The following TBL3 variants were observed in gnomAD, a reference collection of about 807,000 sequenced individuals.
TBL3 encodes transducin beta like 3.
TBL3 carries 71 observed loss-of-function variants against 102.7 expected under a neutral mutation model. The observed-to-expected ratio is 0.69, with a 90% CI of 0.57 to 0.84. TBL3 has a LOEUF of 0.84. Among genes scored for constraint, TBL3 ranks in the 40% least tolerant of loss-of-function variants. The pLI is 0.00. For synonymous variants in TBL3, 578 were observed against 477.7 expected (o/e 1.21, Z -2.74); for missense variants, 1,188 against 1,098.5 (o/e 1.08, Z -1.15).
At position 1,975,936 on chromosome 16, in the gene TBL3, C is replaced by A; in HGVS notation, c.1116C>A (p.Leu372=). 6.2e-7 allele frequency: 1 copy of A among 1,614,172 alleles called. No individual in the cohort carries two copies. Among genetic ancestry groups the A allele is most frequent in the Non-Finnish European group, 8.5e-7 (1 of 1,180,030 alleles). The change falls in exon 11 of 22, where the codon CTC becomes CTA. Residue 372 remains leucine (L), a synonymous_variant. Coordinates refer to ENST00000568546, the MANE Select transcript of TBL3 (RefSeq NM_006453.3). ...FELQTSACQI[L]HGHTDIVLAL... is the part of the protein sequence containing the mutation. Reference sequence around the variant, plus strand: ...TGCAGACGTCAGCCTGCCAGATCCTCCACGGCCACACGGGTGAGTGGGGCC... The same window carrying A: ...TGCAGACGTCAGCCTGCCAGATCCTACACGGCCACACGGGTGAGTGGGGCC...
chr16:1,977,870 G>A (rs1324677780), intron 18 of TBL3, 70 bp downstream of exon 18: 36 of 1,593,222 alleles, frequency 2.3e-5, no homozygotes, highest in Non-Finnish European at 2.8e-5. Context: ...ACGAGGCTGA[G>A]TGCCAGGCTC....
Position 1,978,966 on chromosome 16 carries a change from T to A in TBL3, c.*281T>A. On this transcript the variant is annotated 3_prime_UTR_variant, in exon 22 of 22. Transcript: ENST00000568546. ...AGGAACAGCAAATGGCCCCCTCCCA[T>A]CCCTGCTGGCCAGGGAGATCCGCCC... The A allele has an allele frequency of 1.5e-6, 2 of 1,329,368 alleles. No individual in the cohort carries two copies. The highest frequency in any genetic ancestry group is 2.7e-5 in the South Asian group (2 of 74,238). 82.3% of individuals were successfully genotyped at this position (1,329,368 alleles called of 1,614,324 possible).
At chr16:1,975,762 T>C in intron 10 of TBL3, 46 bp from the exon 11 acceptor site, 1 of 1,613,794 alleles carries the variant, frequency 6.2e-7, no homozygotes, top group South Asian at 1.1e-5. Context: ...AGCCCTCCTC[T>C]TACACAGGTC....
Position 1,979,615 on chromosome 16 carries a change from TCTC to T in TBL3, c.*933_*935del. On this transcript the variant is annotated 3_prime_UTR_variant, in exon 22 of 22. Coordinates refer to ENST00000568546, the MANE Select transcript of TBL3 (RefSeq NM_006453.3). ...GGCCCGCCCGCACCCTTCTCCACAT[TCTC>T]CTTGCTTGAGTCTGCTGACGGCGGG... 7.1e-7 allele frequency: 1 copy of T among 1,401,216 alleles called. No homozygotes were observed. The highest frequency in any genetic ancestry group is 9.9e-7 in the Non-Finnish European group (1 of 1,008,864). The allele number at this position is 1,401,216 out of a possible 1,614,324, so 86.8% of individuals were successfully genotyped here.
intron 13 of TBL3, 132 bp from the exon 14 acceptor site, chr16:1,976,682 C>G: frequency 8.9e-7 from 1 of 1,119,160 alleles, no homozygotes; most frequent in Non-Finnish European, 1.3e-6. Flanking sequence ...CTGGGGGTGA[C>G]CCAGGCCAAC....
rs546617072 is a variant in TBL3 at position 1,974,798 on chromosome 16, G to A, written c.415G>A (p.Val139Met). Residue 139 changes from valine to methionine, a missense_variant, in exon 6 of 22, where the codon GTG (valine) becomes ATG (methionine). Physicochemically the swap from Val to Met is conservative, Grantham distance 21. Coordinates refer to ENST00000568546, the MANE Select transcript of TBL3 (RefSeq NM_006453.3). ...CDGAVRVWDI[V>M]RHYGTHHFRG... The stretch of plus-strand genomic sequence containing the variant: ...TGGGGCCGTGCGCGTCTGGGACATC[G>A]TGCGGCACTACGGGACACACCACTT... The A allele has an allele frequency of 8.7e-6, 14 of 1,613,244 alleles. No homozygotes were observed. The highest frequency in any genetic ancestry group is 6.7e-5 in the East Asian group (3 of 44,880).
Position 1,980,890 on chromosome 16 carries a change from G to T in TBL3, c.*2205G>T. ...GGAGGCAGTCCAGTGGGAGGCAGCC[G>T]CGTGGGGAAGCCGCCACCGCGGCAT... is the stretch of plus-strand genomic sequence containing the variant. On this transcript the variant is annotated 3_prime_UTR_variant, in exon 22 of 22. Coordinates refer to ENST00000568546, the MANE Select transcript of TBL3 (RefSeq NM_006453.3). 1.3e-6 allele frequency: 2 copies of T among 1,539,522 alleles called. No homozygotes were observed. Among genetic ancestry groups the T allele is most frequent in the Non-Finnish European group, 1.8e-6 (2 of 1,118,540 alleles).
At position 1,974,909 on chromosome 16, in the gene TBL3, C is replaced by T. The variant is rs538481173; in HGVS notation, c.465-19C>T. ...ACCCAGGCTGCACAGCTCACCCATCCTGTCCCGTCCGCCCACAGCCTAGTG... is the reference window on the plus strand; with the variant it reads ...ACCCAGGCTGCACAGCTCACCCATCTTGTCCCGTCCGCCCACAGCCTAGTG... On this transcript the variant is annotated intron_variant, in intron 6 of 21. Coordinates refer to ENST00000568546, the MANE Select transcript of TBL3 (RefSeq NM_006453.3). 6.2e-7 allele frequency: 1 copy of T among 1,612,360 alleles called. No homozygotes were observed. Among genetic ancestry groups the T allele is most frequent in the East Asian group, 2.2e-5 (1 of 44,862 alleles).
chr16:1,973,597 A>AC (rs1254041966), intron 1 of TBL3, among the ~76,000 whole-genome samples: 2 of 152,080 alleles, frequency 1.3e-5, no homozygotes, highest in Non-Finnish European at 2.9e-5. Flanking sequence ...TGCTCGTGGG[A>AC]CCCGGGCTCT....
chr16:1,981,384 G>A lies in TBL3; in HGVS notation c.*2699G>A, dbSNP rs1567332961. 7.6e-7 allele frequency: 1 copy of A among 1,315,526 alleles called. No homozygotes were observed. Among genetic ancestry groups the A allele is most frequent in the Non-Finnish European group, 1.0e-6 (1 of 992,494 alleles). The allele number at this position is 1,315,526 out of a possible 1,614,324, so 81.5% of individuals were successfully genotyped here. The stretch of plus-strand genomic sequence containing the variant: ...CCCCAAGCCCACGATCTGGGGGCAG[G>A]AGCACAGGGATTGGGGGACTTCCAG... On this transcript the variant is annotated 3_prime_UTR_variant, in exon 22 of 22. Coordinates refer to ENST00000568546, the MANE Select transcript of TBL3 (RefSeq NM_006453.3).
rs774965007 is a variant in TBL3, at chr16:1,979,401, C to A, written c.*716C>A. ...CCCCGCCCGCCTCGGCTAGCCTGCCCTGCCCACGCCCGCTCCCGCGTACCT... is the reference window on the plus strand; with the variant it reads ...CCCCGCCCGCCTCGGCTAGCCTGCCATGCCCACGCCCGCTCCCGCGTACCT... On this transcript the variant is annotated 3_prime_UTR_variant, in exon 22 of 22. Coordinates refer to ENST00000568546, the MANE Select transcript of TBL3 (RefSeq NM_006453.3). The A allele has an allele frequency of 3.1e-6, 5 of 1,601,844 alleles. No homozygotes were observed. Among genetic ancestry groups the A allele is most frequent in the Non-Finnish European group, 4.2e-6 (5 of 1,177,664 alleles).
intron 11 of TBL3, 41 bp from the exon 12 acceptor site, chr16:1,976,015 C>T: frequency 6.2e-7 from 1 of 1,614,182 alleles, no homozygotes; most frequent in Non-Finnish European, 8.5e-7. Context: ...TTCCCTTCCC[C>T]CGTCTTGCTG....
At position 1,980,518 on chromosome 16, in the gene TBL3, G is replaced by C. The variant is rs765720641; in HGVS notation, c.*1833G>C. 26 of 1,602,884 alleles carry C rather than the reference G, an allele frequency of 1.6e-5. No individual in the cohort carries two copies. The highest frequency in any genetic ancestry group is 3.3e-4 in the Middle Eastern group (2 of 6,068). On this transcript the variant is annotated 3_prime_UTR_variant, in exon 22 of 22. Coordinates refer to ENST00000568546, the MANE Select transcript of TBL3 (RefSeq NM_006453.3). ...AGGCGCGCCAGGCCGCGGCTCGTGC[G>C]CCCCACGCGTCCCAACAGTGGTGCA...
chr16:1,978,109 G>T, intron 19 of TBL3, 40 bp from the exon 20 acceptor site: 1 of 1,611,112 alleles, frequency 6.2e-7, no homozygotes, highest in Non-Finnish European at 8.5e-7. Context: ...CGGACCACTG[G>T]GCTCTGCTTT....
chr16:1,977,837 C>T (rs1374147442), intron 18 of TBL3, 37 bp downstream of exon 18: 2 of 1,566,378 alleles, frequency 1.3e-6, no homozygotes, highest in Non-Finnish European at 1.7e-6. Context: ...CCCGCATCAG[C>T]CCTGCTCTGT....
In TBL3 at chr16:1,981,325, C is replaced by A. The variant is rs557259527; in HGVS notation, c.*2640C>A. On this transcript the variant is annotated 3_prime_UTR_variant, in exon 22 of 22. Transcript: ENST00000568546. ...AGCCTGTGGGGTCCTTGTGGAGCCGCCCCAGCTGAGTCCTTTGCAGCTTTC... is the reference window on the plus strand; with the variant it reads ...AGCCTGTGGGGTCCTTGTGGAGCCGACCCAGCTGAGTCCTTTGCAGCTTTC... The A allele has an allele frequency of 2.1e-6, 3 of 1,449,080 alleles. No individual in the cohort carries two copies. The highest frequency in any genetic ancestry group is 2.7e-6 in the Non-Finnish European group (3 of 1,103,872). The allele number at this position is 1,449,080 out of a possible 1,614,324, so 89.8% of individuals were successfully genotyped here.
chr16:1,978,512 G>T, intron 21 of TBL3, 40 bp from the exon 22 acceptor site: 1 of 1,588,930 alleles, frequency 6.3e-7, no homozygotes, highest in Non-Finnish European at 8.6e-7. Context: ...CCTGGTGGGC[G>T]TGTGGACCAC....
In TBL3 at chr16:1,977,166, C is replaced by G; in HGVS notation, c.1553C>G (p.Ser518Ter). The change falls in exon 15 of 22, where the codon TCA (serine) becomes TGA (stop). Residue 518 changes from serine (S) to a stop codon, truncating the protein, a stop_gained. Coordinates refer to ENST00000568546, the MANE Select transcript of TBL3 (RefSeq NM_006453.3). LOFTEE classifies it high-confidence loss of function. ...CAGTGCCAGCTGCTGGGTGTCTTCTCAGGCCACCGGCGTGGCCTCTGGTGC... is the reference window on the plus strand; with the variant it reads ...CAGTGCCAGCTGCTGGGTGTCTTCTGAGGCCACCGGCGTGGCCTCTGGTGC... ...LPQCQLLGVF[S>*]GHRRGLWCVQ... 6.2e-7 allele frequency: 1 copy of G among 1,613,066 alleles called. No individual in the cohort carries two copies. Among genetic ancestry groups the G allele is most frequent in the East Asian group, 2.2e-5 (1 of 44,886 alleles).
chr16:1,972,128 C>A lies in TBL3; in HGVS notation c.-37C>A. 1 of 1,472,286 alleles carries A rather than the reference C, an allele frequency of 6.8e-7. No individual in the cohort carries two copies. Among genetic ancestry groups the A allele is most frequent in the Non-Finnish European group, 9.0e-7 (1 of 1,109,566 alleles). 91.2% of individuals were successfully genotyped at this position (1,472,286 alleles called of 1,614,324 possible). A position where few individuals can be genotyped will look rare whatever the true frequency, so the allele number is the denominator to read the frequency against. On this transcript the variant is annotated 5_prime_UTR_variant, in exon 1 of 22. Coordinates refer to ENST00000568546, the MANE Select transcript of TBL3 (RefSeq NM_006453.3). ...CTCACGCGGCGGTGGCTGCCGGGAC[C>A]CTAGCAGGTTTCAGCTGGAGCGGCG...
Sources: gnomAD v4.1 joint callset for allele counts (sites outside exome capture counted in the v4.1 genomes callset) on GRCh38, gnomAD v4.1.1 for gene constraint, MANE v1.5 for transcripts, NCBI Gene and HGNC (gene_info 2026-07-23, HGNC 2026-07-21) for gene names.